Variants in ABCC9 observed in about 807,000 individuals in gnomAD.
ABCC9 encodes the protein ATP binding cassette subfamily C member 9.
ABCC9 carries 95 observed loss-of-function variants against 188.3 expected under a neutral mutation model. The observed-to-expected ratio is 0.50, with a 90% confidence interval of 0.43 to 0.60. The LOEUF (loss-of-function observed/expected upper bound fraction) is 0.60. ABCC9 is among the 20% of genes least tolerant of loss of function. The probability of loss-of-function intolerance (pLI) is 0.00; values close to 1 mark genes in which losing one functional copy is unlikely to be tolerated. For missense variants in ABCC9, 1,102 were observed against 1,876.3 expected (o/e 0.59, Z 7.62); for synonymous variants, 659 against 652.7 (o/e 1.01, Z -0.15).
chr12:21,870,753 T>A (rs761412786), intron 18 of ABCC9, among the ~76,000 whole-genome samples: 2 of 151,052 alleles, frequency 1.3e-5, no homozygotes, highest in Non-Finnish European at 3.0e-5. Flanking sequence ...TAAACAATAT[T>A]TAAAAATTTT....
chr12:21,870,221 CT>C (rs1945999436), intron 18 of ABCC9, among the ~76,000 whole-genome samples: 1 of 150,774 alleles, frequency 6.6e-6, no homozygotes, highest in African/African-American at 2.4e-5. Flanking sequence ...CTTTTATTGA[CT>C]TTTTATAAGG....
At chr12:21,888,005 A>C in intron 14 of ABCC9, 71 bp from the exon 15 acceptor site, 2 of 1,110,920 alleles carry the variant, frequency 1.8e-6, no homozygotes, top group Non-Finnish European at 2.8e-6. Flanking sequence ...TACCTAAATA[A>C]CGACTTTAAC....
Position 21,855,093 on chromosome 12 carries a change from C to T in ABCC9, c.2506-2588G>A, listed in dbSNP as rs148042039. Among the ~76,000 whole-genome samples the T allele has an allele frequency of 4.0e-3, 609 of 152,224 alleles. 3 individuals carry two copies. The highest frequency in any genetic ancestry group is 0.014 in the African/African-American group (577 of 41,524). The stretch of plus-strand genomic sequence containing the variant: ...TTAAAACCCCAAGAATAATTTGTGA[C>T]GTAGACCAAACTATCCCAAATGATT... On this transcript the variant is annotated intron_variant, in intron 22 of 39. Transcript: ENST00000261200.
At chr12:21,911,891 G>C (rs552741111) in intron 8 of ABCC9, among the ~76,000 whole-genome samples, 1 of 20,344 alleles carries the variant, frequency 4.9e-5, no homozygotes, top group Non-Finnish European at 1.1e-4. Context: ...AAAATATCTG[G>C]TTCATGAACA....
At chr12:21,842,080 A>G (rs548075427) in intron 29 of ABCC9, among the ~76,000 whole-genome samples, 14 of 152,164 alleles carry the variant, frequency 9.2e-5, no homozygotes, top group Non-Finnish European at 1.9e-4. Context: ...TATACTTTAA[A>G]TCATCTGTAT....
intron 39 of ABCC9, among the ~76,000 whole-genome samples, chr12:21,803,609 C>T (rs960605016): frequency 3.4e-5 from 5 of 145,068 alleles, no homozygotes; most frequent in African/African-American, 1.0e-4. Context: ...GAGCTGAGAT[C>T]GAGCCATTGC....
At chr12:21,877,051 C>T (rs963179529) in intron 16 of ABCC9, among the ~76,000 whole-genome samples, 7 of 152,084 alleles carry the variant, frequency 4.6e-5, no homozygotes, top group Admixed American at 1.3e-4. Context: ...GGGCTGGATT[C>T]GAATTACTGA....
At chr12:21,900,366 A>G (rs1317363927) in intron 12 of ABCC9, among the ~76,000 whole-genome samples, 1 of 152,218 alleles carries the variant, frequency 6.6e-6, no homozygotes, top group Non-Finnish European at 1.5e-5. Context: ...GGAAAAAAAC[A>G]GAGCAGAAAA....
Position 21,940,789 on chromosome 12 carries a change from T to C in ABCC9, c.-100A>G, listed in dbSNP as rs1229552614. 1.3e-5 allele frequency: 2 copies of C among 152,106 alleles called. No individual in the cohort carries two copies. The highest frequency in any genetic ancestry group is 4.1e-4 in the South Asian group (2 of 4,828). 9.4% of individuals were successfully genotyped at this position (152,106 alleles called of 1,614,324 possible). ...TTCAAAACACCGACTTCCTACACTG[T>C]CTTAAGATGTAAATTTCAAACCCGG... On this transcript the variant is annotated 5_prime_UTR_variant, in exon 2 of 40. Transcript: ENST00000261200.
chr12:21,823,849 C>T (rs1341401572), intron 31 of ABCC9, among the ~76,000 whole-genome samples: 2 of 152,252 alleles, frequency 1.3e-5, no homozygotes, highest in Non-Finnish European at 2.9e-5. Flanking sequence ...AGAGGAAAAA[C>T]AGTCCGCTCT....
intron 37 of ABCC9, among the ~76,000 whole-genome samples, chr12:21,808,778 CA>C (rs34314026): frequency 0.044 from 3,527 of 80,460 alleles, 53 homozygotes; most frequent in African/African-American, 0.11. Flanking sequence ...GAACTTGTCT[CA>C]AAAAAAAAAA....
intron 30 of ABCC9, among the ~76,000 whole-genome samples, chr12:21,837,657 T>C (rs1471831537): frequency 6.6e-6 from 1 of 152,184 alleles, no homozygotes; most frequent in Non-Finnish European, 1.5e-5. Flanking sequence ...AGAATTATTA[T>C]TACTATTATT....
chr12:21,830,586 T>C (rs1943697986), intron 30 of ABCC9, among the ~76,000 whole-genome samples: 1 of 152,108 alleles, frequency 6.6e-6, no homozygotes, highest in Non-Finnish European at 1.5e-5. Context: ...CTGGGAGGGG[T>C]GTTCATTTGG....
At position 21,871,914 on chromosome 12, in the gene ABCC9, C is replaced by T. The variant is rs10437761; in HGVS notation, c.2198+711G>A. Among the ~76,000 whole-genome samples the T allele has an allele frequency of 5.5e-3, 833 of 152,272 alleles. 10 individuals carry two copies. Among genetic ancestry groups the T allele is most frequent in the African/African-American group, 0.019 (781 of 41,562 alleles). On this transcript the variant is annotated intron_variant, in intron 18 of 39. Transcript: ENST00000261200. ...AGCCAGTGTATCCATAAACTACTTACGAGGAGTCTACTAAGTAGGCCAAAC... is the reference window on the plus strand; with the variant it reads ...AGCCAGTGTATCCATAAACTACTTATGAGGAGTCTACTAAGTAGGCCAAAC...
chr12:21,923,346 A>G (rs1030887801), intron 5 of ABCC9: 22 of 150,676 alleles, frequency 1.5e-4, no homozygotes, highest in African/African-American at 5.4e-4. Flanking sequence ...AAATAAATGA[A>G]TATGTATGCC....
Position 21,814,732 on chromosome 12 carries a change from C to G in ABCC9, c.4024-10G>C. The G allele has an allele frequency of 6.2e-7, 1 of 1,612,994 alleles. No individual in the cohort carries two copies. The highest frequency in any genetic ancestry group is 8.5e-7 in the Non-Finnish European group (1 of 1,179,066). On this transcript the variant is annotated splice_polypyrimidine_tract_variant and intron_variant, in intron 34 of 39. Coordinates refer to ENST00000261200, the MANE Select transcript of ABCC9 (RefSeq NM_020297.4). ...GACCACATATGCCCACCTAGGAAAA[C>G]AGCTGTCACTCAAAGAGAAGAGGAC... is the stretch of plus-strand genomic sequence containing the variant.
intron 24 of ABCC9, among the ~76,000 whole-genome samples, chr12:21,851,522 A>T (rs1944964371): frequency 6.6e-6 from 1 of 152,184 alleles, no homozygotes; most frequent in South Asian, 2.1e-4. Flanking sequence ...GTGAGAATTA[A>T]AACACATCAT....
chr12:21,849,208 G>A (rs1014560996), intron 24 of ABCC9, among the ~76,000 whole-genome samples: 1 of 152,020 alleles, frequency 6.6e-6, no homozygotes, highest in African/African-American at 2.4e-5. Flanking sequence ...CAGTTTTTCT[G>A]TTACATCAAA....
chr12:21,934,391 A>G (rs1264838041), intron 3 of ABCC9, among the ~76,000 whole-genome samples: 1 of 152,116 alleles, frequency 6.6e-6, no homozygotes, highest in African/African-American at 2.4e-5. Context: ...TATGCACATC[A>G]TATGAGAAAA....
Sources: gnomAD v4.1 joint callset for allele counts (sites outside exome capture counted in the v4.1 genomes callset) on GRCh38, gnomAD v4.1.1 for gene constraint, MANE v1.5 for transcripts, NCBI Gene and HGNC (gene_info 2026-07-23, HGNC 2026-07-21) for gene names.